MRPL48: variants seen among roughly 807,000 people sequenced by gnomAD.
MRPL48 encodes the protein mitochondrial ribosomal protein L48.
In MRPL48, 16 loss-of-function variants were observed where a neutral mutation model predicts 32.9. The observed-to-expected ratio is 0.49, with a 90% CI of 0.33 to 0.74. The LOEUF is 0.74. Among genes scored for constraint, MRPL48 ranks in the 30% least tolerant of loss-of-function variants. The pLI, the probability that MRPL48 is intolerant of heterozygous loss-of-function variation, is 0.02. For missense variants in MRPL48, 206 were observed against 245.3 expected, an observed-to-expected ratio of 0.84 and a Z score of 1.07; for synonymous variants, 94 against 89.2, an observed-to-expected ratio of 1.05 and a Z score of -0.31.
rs115737434 is a variant in MRPL48, at chr11:73,829,948, A to T, written c.201+4152A>T. Among the ~76,000 whole-genome samples, 212 of 151,902 alleles carry T rather than the reference A, an allele frequency of 1.4e-3. 1 individual carries two copies. Among genetic ancestry groups the T allele is most frequent in the African/African-American group, 4.9e-3 (202 of 41,408 alleles). On this transcript the variant is annotated intron_variant, in intron 4 of 7. Coordinates refer to ENST00000310614, the MANE Select transcript of MRPL48 (RefSeq NM_016055.6). ...CCCGGCTCATTATATTTTTGTAGAG[A>T]TGGGGGTCTCGCCATGTTACCCAGG...
At chr11:73,789,081 C>T (rs945528819) in intron 1 of MRPL48, among the ~76,000 whole-genome samples, 8 of 152,296 alleles carry the variant, frequency 5.3e-5, no homozygotes, top group Admixed American at 6.5e-5. Flanking sequence ...TGAGGGCCCA[C>T]GCCTCACTTC....
intron 1 of MRPL48, among the ~76,000 whole-genome samples, chr11:73,796,773 A>G (rs1200826900): frequency 2.0e-5 from 3 of 152,182 alleles, no homozygotes. Flanking sequence ...GAGGCTCATA[A>G]AAACTTTGGG....
chr11:73,790,738 G>C (rs905041534), intron 1 of MRPL48, among the ~76,000 whole-genome samples: 2 of 151,562 alleles, frequency 1.3e-5, no homozygotes, highest in African/African-American at 4.9e-5. Context: ...TGTAGCCCAG[G>C]CTAGTCTCGA....
At chr11:73,855,876 T>C (rs1239926996) in intron 5 of MRPL48, among the ~76,000 whole-genome samples, 2 of 152,252 alleles carry the variant, frequency 1.3e-5, no homozygotes, top group Non-Finnish European at 2.9e-5. Flanking sequence ...CTTTATGTTA[T>C]ATATTTAGAA....
rs1591012214 is a variant in MRPL48 at position 73,859,787 on chromosome 11, G to T, written c.372-120G>T. 1.1e-5 allele frequency: 8 copies of T among 744,762 alleles called. No homozygotes were observed. The East Asian group carries it at 2.2e-4, about 20-fold the overall frequency. 46.1% of individuals were successfully genotyped at this position (744,762 alleles called of 1,614,324 possible). On this transcript the variant is annotated intron_variant, in intron 5 of 7. Coordinates refer to ENST00000310614, the MANE Select transcript of MRPL48 (RefSeq NM_016055.6). ...TTACTTTGCTCCTGGTTGCAGATAA[G>T]CATCCCCTACATTCCGGGAACTATT...
chr11:73,854,701 A>G (rs1158895114), intron 5 of MRPL48, among the ~76,000 whole-genome samples: 1 of 152,208 alleles, frequency 6.6e-6, no homozygotes, highest in African/African-American at 2.4e-5. Context: ...AAGACTATCT[A>G]GTCCAAAAAC....
intron 5 of MRPL48, among the ~76,000 whole-genome samples, chr11:73,846,338 A>G (rs757491286): frequency 1.5e-4 from 22 of 151,702 alleles, no homozygotes; most frequent in Non-Finnish European, 2.4e-4. Context: ...TTGTTTTTTG[A>G]GACAGAGTCT....
chr11:73,790,108 C>T (rs182166995), intron 1 of MRPL48, among the ~76,000 whole-genome samples: 3,327 of 129,880 alleles, frequency 0.026, 141 homozygotes, highest in African/African-American at 0.094. Context: ...CTCCCTCTGT[C>T]GCCCAGGCTG....
At chr11:73,814,759 C>T (rs1179478259) in intron 3 of MRPL48, among the ~76,000 whole-genome samples, 1 of 149,204 alleles carries the variant, frequency 6.7e-6, no homozygotes, top group South Asian at 2.1e-4. Context: ...TTTGGGAGGC[C>T]GAGGCAGGTG....
intron 1 of MRPL48, among the ~76,000 whole-genome samples, chr11:73,794,113 G>A (rs927488235): frequency 6.6e-6 from 1 of 151,846 alleles, no homozygotes; most frequent in Non-Finnish European, 1.5e-5. Flanking sequence ...GTTGAGCCCG[G>A]GAGGCCAAGG....
chr11:73,795,819 A>G (rs1331227181), intron 1 of MRPL48, among the ~76,000 whole-genome samples: 1 of 152,108 alleles, frequency 6.6e-6, no homozygotes, highest in East Asian at 1.9e-4. Context: ...TCACTTTTAA[A>G]GTAGATAATT....
intron 3 of MRPL48, among the ~76,000 whole-genome samples, chr11:73,824,673 A>G (rs1027645333): frequency 9.2e-5 from 14 of 152,120 alleles, no homozygotes; most frequent in Admixed American, 9.2e-4. Flanking sequence ...CTATATAGTC[A>G]CAGTTAGAAA....
chr11:73,825,688 T>C lies in MRPL48; in HGVS notation c.113-20T>C. On this transcript the variant is annotated intron_variant, in intron 3 of 7. Transcript: ENST00000310614. ...TAGCAACAACAAAAAAACAGGTTTG[T>C]CTTATTTTCTCTCTTTTAGGTGGAA... is the stretch of plus-strand genomic sequence containing the variant. 6.5e-7 allele frequency: 1 copy of C among 1,544,392 alleles called. No homozygotes were observed. The highest frequency in any genetic ancestry group is 8.8e-7 in the Non-Finnish European group (1 of 1,141,392).
chr11:73,808,492 A>G, intron 3 of MRPL48, 142 bp downstream of exon 3: 3 of 777,236 alleles, frequency 3.9e-6, no homozygotes, highest in Non-Finnish European at 6.3e-6. Context: ...TGAGCATGGA[A>G]TAGAACCATG....
rs1014598118 is a variant in MRPL48, at chr11:73,851,333, C to A, written c.371+6357C>A. On this transcript the variant is annotated intron_variant, in intron 5 of 7. Transcript: ENST00000310614. ...ACCAGTAACTTGCCTGGATTTAAAC[C>A]CAGTTCTGCCTGACAAGTATTTTCA... 1.8e-5 allele frequency: 4 copies of A among 221,852 alleles called. No individual in the cohort carries two copies. The East Asian group carries it at 3.6e-4, about 20-fold the overall frequency. 13.7% of individuals were successfully genotyped at this position (221,852 alleles called of 1,614,324 possible). A position where few individuals can be genotyped will look rare whatever the true frequency, so the allele number is the denominator to read the frequency against.
rs1223951183 is a variant in MRPL48, at chr11:73,800,810, CTTTTTTTTT to C, written c.22-4207_22-4199del. Among the ~76,000 whole-genome samples the C allele has an allele frequency of 2.4e-4, 32 of 132,882 alleles. No individual in the cohort carries two copies. In the East Asian group the frequency reaches 6.1e-3, roughly 26 times the overall value. 87.2% of individuals were successfully genotyped at this position (132,882 alleles called of 152,430 possible). On this transcript the variant is annotated intron_variant, in intron 1 of 7. Coordinates refer to ENST00000310614, the MANE Select transcript of MRPL48 (RefSeq NM_016055.6). ...AAGTTGTCAACTCTTTTTTCTTTTT[CTTTTTTTTT>C]TTTTTTTTTGAGATGGAGTTTCGCT... is the stretch of plus-strand genomic sequence containing the variant.
intron 5 of MRPL48, among the ~76,000 whole-genome samples, chr11:73,859,056 A>T (rs917164172): frequency 1.3e-5 from 2 of 152,174 alleles, no homozygotes; most frequent in Non-Finnish European, 2.9e-5. Flanking sequence ...CTTGGGGTAT[A>T]CTACAGATAC....
intron 1 of MRPL48, 69 bp downstream of exon 1, chr11:73,788,061 G>T (rs572204787): frequency 8.2e-7 from 1 of 1,225,870 alleles, no homozygotes; most frequent in Admixed American, 2.4e-5. Flanking sequence ...AGATGGCGGA[G>T]GGTGCAGAGC....
At chr11:73,825,060 T>G (rs1248644325) in intron 3 of MRPL48, among the ~76,000 whole-genome samples, 1 of 152,196 alleles carries the variant, frequency 6.6e-6, no homozygotes, top group Admixed American at 6.6e-5. Flanking sequence ...TTAATATAGT[T>G]ATTGTATGTT....
Sources: gnomAD v4.1 joint callset for allele counts (sites outside exome capture counted in the v4.1 genomes callset) on GRCh38, gnomAD v4.1.1 for gene constraint, MANE v1.5 for transcripts, NCBI Gene and HGNC (gene_info 2026-07-23, HGNC 2026-07-21) for gene names.